The following GPR176 variants were observed in gnomAD, a reference collection of about 807,000 sequenced individuals.
The protein encoded by GPR176 is G-protein coupled receptor 176.
A neutral mutation model predicts 35.4 loss-of-function variants in GPR176; 26 were observed. The ratio of observed to expected loss-of-function variants is 0.74; its 90% CI spans 0.54 to 1.02. The LOEUF is 1.02. Ranked by LOEUF, GPR176 falls within the 50% of genes least tolerant of loss-of-function variation. GPR176 has a pLI of 0.00. For missense variants in GPR176, 597 were observed against 665.3 expected (o/e 0.90, Z 1.13); for synonymous variants, 278 against 271.3 (o/e 1.02, Z -0.24).
At chr15:39,914,983 G>A (rs2033687319) in intron 1 of GPR176, among the ~76,000 whole-genome samples, 1 of 152,164 alleles carries the variant, frequency 6.6e-6, no homozygotes, top group African/African-American at 2.4e-5. Context: ...CAGATCTGCT[G>A]AACAGATTTA....
intron 1 of GPR176, among the ~76,000 whole-genome samples, chr15:39,895,600 C>G (rs558722593): frequency 5.3e-5 from 8 of 152,192 alleles, no homozygotes; most frequent in African/African-American, 1.9e-4. Flanking sequence ...GAACATTAGG[C>G]TAGATACTCA....
At chr15:39,865,403 C>T (rs908450834) in intron 1 of GPR176, among the ~76,000 whole-genome samples, 3 of 152,070 alleles carry the variant, frequency 2.0e-5, no homozygotes, top group Non-Finnish European at 4.4e-5. Flanking sequence ...TCTTCAGCAA[C>T]ATGGATGGAA....
At chr15:39,824,970 C>T (rs977268211) in intron 1 of GPR176, among the ~76,000 whole-genome samples, 1 of 151,998 alleles carries the variant, frequency 6.6e-6, no homozygotes, top group African/African-American at 2.4e-5. Context: ...TTTGGGAGGC[C>T]AAAGTGGGAG....
chr15:39,869,817 C>T (rs1192629011), intron 1 of GPR176, among the ~76,000 whole-genome samples: 1 of 152,104 alleles, frequency 6.6e-6, no homozygotes, highest in Non-Finnish European at 1.5e-5. Flanking sequence ...AGTCTCAGTG[C>T]ATATTTTTTT....
In GPR176 at chr15:39,802,021, A is replaced by G. The variant is rs142110425; in HGVS notation, c.659T>C (p.Val220Ala). 19 of 1,614,074 alleles carry G rather than the reference A, an allele frequency of 1.2e-5. No individual in the cohort carries two copies. The Admixed American group carries it at 2.7e-4, about 23-fold the overall frequency. ...GATCAGTATCAAGAAGAGGAACACC[A>G]CCACCACAGGCACAATGACCGTGGT... The part of the protein sequence containing the change: ...NITTVIVPVV[V>A]VFLFLILIRR... Residue 220 changes from valine (V) to alanine (A), a missense_variant, in exon 3 of 3, where the codon GTG becomes GCG. By Grantham distance (64) the Val-to-Ala change is moderately conservative. Transcript: ENST00000561100.
chr15:39,809,603 GA>G (rs1428706938), intron 1 of GPR176, among the ~76,000 whole-genome samples: 2 of 152,118 alleles, frequency 1.3e-5, no homozygotes, highest in Non-Finnish European at 2.9e-5. Context: ...ATCTACCCTA[GA>G]AATGATCTAA....
intron 1 of GPR176, among the ~76,000 whole-genome samples, chr15:39,897,674 C>T (rs961910982): frequency 7.6e-6 from 1 of 130,778 alleles, no homozygotes; most frequent in Non-Finnish European, 1.5e-5. Flanking sequence ...ACTGCAGTGG[C>T]GCAATCTCGG....
chr15:39,872,208 T>C (rs780228543), intron 1 of GPR176, among the ~76,000 whole-genome samples: 1 of 152,104 alleles, frequency 6.6e-6, no homozygotes, highest in Non-Finnish European at 1.5e-5. Context: ...AACAACATTG[T>C]AGGAGAAAAG....
chr15:39,905,829 G>C (rs1213751578), intron 1 of GPR176, among the ~76,000 whole-genome samples: 1 of 152,174 alleles, frequency 6.6e-6, no homozygotes, highest in Non-Finnish European at 1.5e-5. Flanking sequence ...AGGGAAATGG[G>C]TGTGGCCATA....
intron 1 of GPR176, among the ~76,000 whole-genome samples, chr15:39,846,053 G>C (rs2030400626): frequency 6.6e-6 from 1 of 152,162 alleles, no homozygotes; most frequent in Non-Finnish European, 1.5e-5. Context: ...TTTCAAACAG[G>C]AGAGCAACAT....
At chr15:39,877,047 A>G (rs2032275888) in intron 1 of GPR176, among the ~76,000 whole-genome samples, 1 of 152,102 alleles carries the variant, frequency 6.6e-6, no homozygotes, top group Non-Finnish European at 1.5e-5. Flanking sequence ...GTTCAATTTT[A>G]TTTTATCCTA....
intron 1 of GPR176, among the ~76,000 whole-genome samples, chr15:39,825,194 T>C (rs1388815520): frequency 6.6e-6 from 1 of 151,868 alleles, no homozygotes; most frequent in East Asian, 1.9e-4. Flanking sequence ...AGAGTAAGAG[T>C]CTGTTTCAAA....
intron 1 of GPR176, among the ~76,000 whole-genome samples, chr15:39,915,384 C>A (rs2033699760): frequency 6.6e-6 from 1 of 152,142 alleles, no homozygotes. Context: ...ATCCTCATGA[C>A]CTCATCTAAA....
At chr15:39,900,964 G>T (rs1285553381) in intron 1 of GPR176, among the ~76,000 whole-genome samples, 1 of 152,226 alleles carries the variant, frequency 6.6e-6, no homozygotes, top group Admixed American at 6.5e-5. Context: ...ATATCAGGTT[G>T]TGAGGCAGAG....
intron 1 of GPR176, among the ~76,000 whole-genome samples, chr15:39,918,520 A>G (rs1325073885): frequency 6.6e-6 from 1 of 152,178 alleles, no homozygotes; most frequent in East Asian, 1.9e-4. Context: ...TACCTCTCCA[A>G]TAACCCACAC....
chr15:39,843,573 G>A (rs1190748011), intron 1 of GPR176, among the ~76,000 whole-genome samples: 1 of 143,622 alleles, frequency 7.0e-6, no homozygotes, highest in Non-Finnish European at 1.5e-5. Context: ...CAGATCAATA[G>A]TACTCTCTGC....
intron 1 of GPR176, among the ~76,000 whole-genome samples, chr15:39,890,099 C>T (rs533719313): frequency 6.6e-6 from 1 of 152,194 alleles, no homozygotes; most frequent in South Asian, 2.1e-4. Context: ...GAAAATATCA[C>T]CACGCCTGGC....
intron 1 of GPR176, among the ~76,000 whole-genome samples, chr15:39,868,189 G>T (rs1396011022): frequency 6.6e-6 from 1 of 152,206 alleles, no homozygotes; most frequent in Non-Finnish European, 1.5e-5. Context: ...GCTAGCAGCA[G>T]AACAAAAGTC....
At chr15:39,866,652 A>T (rs1390625748) in intron 1 of GPR176, among the ~76,000 whole-genome samples, 1 of 152,230 alleles carries the variant, frequency 6.6e-6, no homozygotes, top group Non-Finnish European at 1.5e-5. Context: ...TATATGTATA[A>T]AAGTACCAAC....
Sources: allele counts gnomAD v4.1 joint callset (sites outside exome capture counted in the v4.1 genomes callset), GRCh38; gene constraint gnomAD v4.1.1; transcripts MANE v1.5; gene names NCBI Gene and HGNC (gene_info 2026-07-23, HGNC 2026-07-21).